The following PPP6R3 variants were observed in gnomAD, a reference collection of about 807,000 sequenced individuals.
The protein encoded by PPP6R3 is serine/threonine-protein phosphatase 6 regulatory subunit 3.
A neutral mutation model predicts 110.7 loss-of-function variants in PPP6R3; 38 were observed. That is an observed-to-expected ratio of 0.34 (90% CI 0.26 to 0.45). PPP6R3 has a LOEUF of 0.45. PPP6R3 is among the 20% of genes least tolerant of loss of function. The probability of loss-of-function intolerance (pLI) is 1.00; values close to 1 mark genes in which losing one functional copy is unlikely to be tolerated. For synonymous variants in PPP6R3, 369 were observed against 373.5 expected (o/e 0.99, Z 0.14); for missense variants, 870 against 1,062.4 (o/e 0.82, Z 2.52).
intron 1 of PPP6R3, among the ~76,000 whole-genome samples, chr11:68,480,459 G>A (rs1203145502): frequency 3.3e-5 from 5 of 152,196 alleles, no homozygotes; most frequent in Non-Finnish European, 5.9e-5. Context: ...GCACCTTGGC[G>A]GAACTTAGCA....
chr11:68,482,568 G>A (rs1271883772), intron 1 of PPP6R3, among the ~76,000 whole-genome samples: 2 of 152,004 alleles, frequency 1.3e-5, no homozygotes, highest in South Asian at 2.1e-4. Context: ...CCTATTTTAT[G>A]GACTCTGGCT....
At chr11:68,513,329 C>T (rs192324947) in intron 1 of PPP6R3, among the ~76,000 whole-genome samples, 111 of 152,234 alleles carry the variant, frequency 7.3e-4, no homozygotes, top group Non-Finnish European at 6.2e-4. Context: ...TCAAATATTC[C>T]TTCTTACTGT....
At chr11:68,486,328 G>T (rs148221087) in intron 1 of PPP6R3, among the ~76,000 whole-genome samples, 133 of 152,004 alleles carry the variant, frequency 8.7e-4, no homozygotes, top group African/African-American at 3.1e-3. Flanking sequence ...TGCGACTGCC[G>T]GGTGCAGTGG....
At chr11:68,550,768 A>G (rs1218178820) in intron 5 of PPP6R3, among the ~76,000 whole-genome samples, 1 of 152,224 alleles carries the variant, frequency 6.6e-6, no homozygotes, top group Non-Finnish European at 1.5e-5. Context: ...CAGAAAATGT[A>G]TAAATTCCAT....
intron 6 of PPP6R3, 52 bp downstream of exon 6, chr11:68,551,238 C>T: frequency 2.2e-6 from 3 of 1,371,138 alleles, no homozygotes; most frequent in Non-Finnish European, 3.1e-6. Flanking sequence ...AAACAAAAAA[C>T]TGTTTATTGG....
chr11:68,510,984 C>T (rs1384679631), intron 1 of PPP6R3, among the ~76,000 whole-genome samples: 2 of 152,156 alleles, frequency 1.3e-5, no homozygotes, highest in Non-Finnish European at 2.9e-5. Context: ...TCCCTATCCA[C>T]CCAATAGAGG....
intron 9 of PPP6R3, among the ~76,000 whole-genome samples, chr11:68,565,928 G>C (rs1390935712): frequency 6.6e-6 from 1 of 152,166 alleles, no homozygotes; most frequent in Non-Finnish European, 1.5e-5. Context: ...TCCTCGGGAG[G>C]ATGGGAGCCA....
intron 5 of PPP6R3, among the ~76,000 whole-genome samples, chr11:68,549,457 G>T (rs1163682153): frequency 6.6e-6 from 1 of 152,150 alleles, no homozygotes; most frequent in African/African-American, 2.4e-5. Context: ...GGCTGGATTT[G>T]TTGGTGACCC....
rs1942589773 is a variant in PPP6R3, at chr11:68,610,041, C to G, written c.2570+18C>G. On this transcript the variant is annotated intron_variant, in intron 23 of 23. Coordinates refer to ENST00000393800, the MANE Select transcript of PPP6R3 (RefSeq NM_001164161.2). ...GAGCAGAGGTAACCACCCGCCTCCTCAAACCCACCCAGGCCCTGCCCTGAC... is the reference window on the plus strand; with the variant it reads ...GAGCAGAGGTAACCACCCGCCTCCTGAAACCCACCCAGGCCCTGCCCTGAC... The G allele has an allele frequency of 1.2e-6, 2 of 1,611,798 alleles. No homozygotes were observed. The highest frequency in any genetic ancestry group is 1.7e-6 in the Non-Finnish European group (2 of 1,179,482).
intron 22 of PPP6R3, among the ~76,000 whole-genome samples, chr11:68,606,786 T>C (rs551775441): frequency 3.9e-5 from 6 of 152,186 alleles, no homozygotes; most frequent in Non-Finnish European, 5.9e-5. Context: ...AATAGAGTTA[T>C]AGGTAAAGAT....
At chr11:68,554,538 C>G (rs2099392267) in intron 7 of PPP6R3, among the ~76,000 whole-genome samples, 1 of 152,216 alleles carries the variant, frequency 6.6e-6, no homozygotes, top group Non-Finnish European at 1.5e-5. Flanking sequence ...TTAGAAATAA[C>G]TGTAGTCACA....
chr11:68,577,392 A>G (rs755286610), intron 14 of PPP6R3, among the ~76,000 whole-genome samples: 1 of 152,196 alleles, frequency 6.6e-6, no homozygotes, highest in Non-Finnish European at 1.5e-5. Context: ...TTTGCAGGCA[A>G]TATAGTCTCT....
intron 20 of PPP6R3, 83 bp from the exon 21 acceptor site, chr11:68,601,780 A>C: frequency 8.8e-7 from 1 of 1,140,656 alleles, no homozygotes; most frequent in Non-Finnish European, 1.3e-6. Flanking sequence ...ACAAAAACTT[A>C]CTTGTAAAGG....
intron 5 of PPP6R3, among the ~76,000 whole-genome samples, chr11:68,548,821 A>G (rs1462140387): frequency 6.6e-6 from 1 of 152,088 alleles, no homozygotes; most frequent in Non-Finnish European, 1.5e-5. Context: ...GGAGGGTGTG[A>G]GTAACTTGAA....
At position 68,613,353 on chromosome 11, in the gene PPP6R3, C is replaced by T. The variant is rs999562992; in HGVS notation, c.*236C>T. ...TTGCGTATGTTTATATTGTATTGTT[C>T]TAAATAATGGGTAGCCTGTGAAATA... On this transcript the variant is annotated 3_prime_UTR_variant, in exon 24 of 24. Transcript: ENST00000393800. The T allele has an allele frequency of 3.2e-6, 4 of 1,253,048 alleles. No individual in the cohort carries two copies. The African/African-American group carries it at 4.7e-5, about 15-fold the overall frequency. The allele number at this position is 1,253,048 out of a possible 1,614,324, so 77.6% of individuals were successfully genotyped here. A position where few individuals can be genotyped will look rare whatever the true frequency, so the allele number is the denominator to read the frequency against.
At chr11:68,585,068 A>G (rs951593566) in intron 15 of PPP6R3, among the ~76,000 whole-genome samples, 6 of 152,214 alleles carry the variant, frequency 3.9e-5, no homozygotes, top group African/African-American at 1.4e-4. Flanking sequence ...CCCCGAATGT[A>G]GAGAGCTCAG....
chr11:68,596,681 CT>C (rs2099614725), intron 19 of PPP6R3, among the ~76,000 whole-genome samples: 1 of 152,236 alleles, frequency 6.6e-6, no homozygotes. Context: ...AGCCTTGAAA[CT>C]TGTCCAGCTG....
intron 16 of PPP6R3, 30 bp downstream of exon 16, chr11:68,588,054 C>G (rs771168395): frequency 6.5e-7 from 1 of 1,548,254 alleles, no homozygotes; most frequent in Non-Finnish European, 8.9e-7. Flanking sequence ...TCCGCTGTTG[C>G]TCTTGCACAC....
intron 23 of PPP6R3, among the ~76,000 whole-genome samples, chr11:68,610,452 A>T (rs1374997209): frequency 3.3e-5 from 5 of 152,192 alleles, no homozygotes; most frequent in African/African-American, 4.8e-5. Flanking sequence ...GCCCTGTGTG[A>T]CACAAGGAGA....
Sources: gnomAD v4.1 joint callset for allele counts (sites outside exome capture counted in the v4.1 genomes callset) on GRCh38, gnomAD v4.1.1 for gene constraint, MANE v1.5 for transcripts, NCBI Gene and HGNC (gene_info 2026-07-23, HGNC 2026-07-21) for gene names.